CAMK4: variants seen among roughly 807,000 people sequenced by gnomAD.
CAMK4 encodes calcium/calmodulin dependent protein kinase IV, also known as calcium/calmodulin-dependent protein kinase type IV.
In CAMK4, 22 loss-of-function variants were observed where a neutral mutation model predicts 44.9. The ratio of observed to expected loss-of-function variants is 0.49; its 90% CI spans 0.35 to 0.70. CAMK4 has a LOEUF of 0.70. CAMK4 is among the 30% of genes least tolerant of loss of function. The probability of loss-of-function intolerance (pLI) is 0.01; values close to 1 mark genes in which losing one functional copy is unlikely to be tolerated. For missense variants in CAMK4, 498 were observed against 586.8 expected (o/e 0.85, Z 1.56); for synonymous variants, 218 against 215.4 (o/e 1.01, Z -0.11).
chr5:111,255,893 A>G (rs1749720600), intron 1 of CAMK4, among the ~76,000 whole-genome samples: 2 of 152,222 alleles, frequency 1.3e-5, no homozygotes, highest in African/African-American at 4.8e-5. Context: ...GGTTGAATCA[A>G]TAGTGTTATT....
chr5:111,300,402 T>C (rs1580551159), intron 1 of CAMK4, among the ~76,000 whole-genome samples: 2 of 152,246 alleles, frequency 1.3e-5, no homozygotes. Flanking sequence ...ATTTTAAAAT[T>C]CTAGAATCTT....
At chr5:111,343,374 TTC>T (rs1749723299) in intron 1 of CAMK4, among the ~76,000 whole-genome samples, 1 of 151,918 alleles carries the variant, frequency 6.6e-6, no homozygotes, top group East Asian at 1.9e-4. Flanking sequence ...TGGTCTATAT[TTC>T]TCTTTTATCT....
At chr5:111,230,254 T>C (rs1748406398) in intron 1 of CAMK4, among the ~76,000 whole-genome samples, 2 of 152,312 alleles carry the variant, frequency 1.3e-5, no homozygotes. Flanking sequence ...TTAAAAATAA[T>C]GTCACTTTTC....
At chr5:111,287,269 G>C (rs1171806067) in intron 1 of CAMK4, among the ~76,000 whole-genome samples, 1 of 152,160 alleles carries the variant, frequency 6.6e-6, no homozygotes, top group Non-Finnish European at 1.5e-5. Context: ...ATGCTAAGGT[G>C]ATAGGGGAGT....
chr5:111,247,013 TG>T (rs1230007216), intron 1 of CAMK4, among the ~76,000 whole-genome samples: 1 of 152,154 alleles, frequency 6.6e-6, no homozygotes, highest in African/African-American at 2.4e-5. Flanking sequence ...GGGAATTTAT[TG>T]TGTTTCCTGA....
chr5:111,483,952 C>G (rs1755519305), intron 10 of CAMK4, 74 bp from the exon 11 acceptor site: 1 of 1,175,364 alleles, frequency 8.5e-7, no homozygotes. Flanking sequence ...TCCCTAAAAG[C>G]AAAGCTGGGG....
chr5:111,260,695 G>C (rs1749934845), intron 1 of CAMK4, among the ~76,000 whole-genome samples: 1 of 152,006 alleles, frequency 6.6e-6, no homozygotes, highest in African/African-American at 2.4e-5. Context: ...TCTTTTATTA[G>C]GTTTTGTTCG....
At chr5:111,323,308 G>A (rs1216025146) in intron 1 of CAMK4, among the ~76,000 whole-genome samples, 1 of 151,926 alleles carries the variant, frequency 6.6e-6, no homozygotes, top group Admixed American at 6.6e-5. Flanking sequence ...TTTATGATGG[G>A]TTTATCAGGG....
chr5:111,366,432 A>G (rs991003157), intron 2 of CAMK4, among the ~76,000 whole-genome samples: 1 of 152,128 alleles, frequency 6.6e-6, no homozygotes, highest in Admixed American at 6.6e-5. Context: ...TACATCTAAG[A>G]TAGCCAGGTT....
intron 1 of CAMK4, among the ~76,000 whole-genome samples, chr5:111,250,495 A>C (rs143545067): frequency 6.6e-6 from 1 of 152,168 alleles, no homozygotes; most frequent in Non-Finnish European, 1.5e-5. Context: ...TTCAATGCCT[A>C]TGGGCTCATT....
chr5:111,457,007 C>G (rs1017927171), intron 7 of CAMK4, among the ~76,000 whole-genome samples: 1 of 152,130 alleles, frequency 6.6e-6, no homozygotes. Flanking sequence ...GTCAGTGCCA[C>G]TTTTGTGCTG....
intron 1 of CAMK4, among the ~76,000 whole-genome samples, chr5:111,252,859 C>A (rs1281077310): frequency 1.3e-5 from 2 of 152,096 alleles, no homozygotes; most frequent in African/African-American, 2.4e-5. Flanking sequence ...ATTGTATAGA[C>A]TAGAAAAATA....
chr5:111,321,298 C>T (rs1360884396), intron 1 of CAMK4, among the ~76,000 whole-genome samples: 2 of 152,132 alleles, frequency 1.3e-5, no homozygotes, highest in Non-Finnish European at 2.9e-5. Flanking sequence ...TCAAGAGAAG[C>T]TGGAAATCTG....
intron 7 of CAMK4, among the ~76,000 whole-genome samples, chr5:111,469,154 AAAAAAAAAAAAAAAAAAAATAT>A (rs1350368485): frequency 1.0e-5 from 1 of 95,750 alleles, no homozygotes; most frequent in African/African-American, 5.0e-5. Flanking sequence ...CAAAAAAAAA[AAAAAAAAAAAAAAAAAAAATAT>A]ATATATATAT....
At chr5:111,279,165 G>T (rs1750898668) in intron 1 of CAMK4, among the ~76,000 whole-genome samples, 1 of 152,082 alleles carries the variant, frequency 6.6e-6, no homozygotes, top group Non-Finnish European at 1.5e-5. Flanking sequence ...TAGCAAATTT[G>T]GTCGTAGGCT....
At chr5:111,327,212 T>A (rs1243775994) in intron 1 of CAMK4, among the ~76,000 whole-genome samples, 1 of 148,882 alleles carries the variant, frequency 6.7e-6, no homozygotes, top group Non-Finnish European at 1.5e-5. Context: ...CCTGTGTCCA[T>A]GTGTTCTCGT....
rs1443193048 is a variant in CAMK4, at chr5:111,420,448, T to G, written c.459+25666T>G. 2.0e-5 allele frequency among the ~76,000 whole-genome samples: 3 copies of G among 152,166 alleles called. No homozygotes were observed. In the East Asian group the frequency reaches 5.8e-4, roughly 29 times the overall value. ...CCCTTTATTTACTTCTCCTGCCTAA[T>G]TGCCCTGGTCAGAACTTCCAACACT... On this transcript the variant is annotated intron_variant, in intron 5 of 10. Transcript: ENST00000282356.
At chr5:111,397,606 ATG>A (rs1393751190) in intron 5 of CAMK4, among the ~76,000 whole-genome samples, 2 of 150,176 alleles carry the variant, frequency 1.3e-5, no homozygotes, top group African/African-American at 4.9e-5. Context: ...AAATTTTAGT[ATG>A]TTTGTATGGT....
intron 1 of CAMK4, among the ~76,000 whole-genome samples, chr5:111,313,909 G>A (rs1365827269): frequency 6.6e-6 from 1 of 152,074 alleles, no homozygotes; most frequent in Non-Finnish European, 1.5e-5. Context: ...TGTGCGATAT[G>A]TGTATTGATT....
Sources: allele counts gnomAD v4.1 joint callset (sites outside exome capture counted in the v4.1 genomes callset), GRCh38; gene constraint gnomAD v4.1.1; transcripts MANE v1.5; gene names NCBI Gene and HGNC (gene_info 2026-07-23, HGNC 2026-07-21).